The following ADH1A variants were observed in gnomAD, a reference collection of about 807,000 sequenced individuals.
ADH1A encodes alcohol dehydrogenase 1A.
A neutral mutation model predicts 35.2 loss-of-function variants in ADH1A; 29 were observed. The observed-to-expected ratio is 0.82, with a 90% CI of 0.61 to 1.12. The LOEUF (loss-of-function observed/expected upper bound fraction) is 1.12. Among genes scored for constraint, ADH1A ranks in the 50% most tolerant of loss-of-function variants. The pLI is 0.00. For missense variants in ADH1A, 469 were observed against 464.7 expected (o/e 1.01, Z -0.09); for synonymous variants, 147 against 164.8 (o/e 0.89, Z 0.83).
chr4:99,281,904 C>G (rs2110605560), intron 6 of ADH1A: 1 of 195,758 alleles, frequency 5.1e-6, no homozygotes, highest in Non-Finnish European at 1.1e-5. Flanking sequence ...AAATTGCTTA[C>G]TTCTTTTGGC....
chr4:99,277,749 C>A (rs1732904376), intron 8 of ADH1A, among the ~76,000 whole-genome samples: 1 of 151,984 alleles, frequency 6.6e-6, no homozygotes, highest in Non-Finnish European at 1.5e-5. Flanking sequence ...TTGATGGCTT[C>A]ATTCATTTCT....
At chr4:99,284,319 G>A (rs749275628) in intron 5 of ADH1A, 80 bp downstream of exon 5, 13 of 1,423,536 alleles carry the variant, frequency 9.1e-6, no homozygotes, top group Admixed American at 5.6e-5. Context: ...AATAATCTTC[G>A]ATTCTTGTGA....
intron 5 of ADH1A, among the ~76,000 whole-genome samples, chr4:99,283,641 T>C (rs1223314244): frequency 6.6e-6 from 1 of 152,208 alleles, no homozygotes; most frequent in Non-Finnish European, 1.5e-5. Context: ...AAAGATATTT[T>C]AGTCTCAGCT....
chr4:99,282,590 G>A lies in ADH1A; in HGVS notation c.584C>T (p.Thr195Ile), dbSNP rs1241562908. ...VNVAKVTPGSTCAVFGLGGVG... is the reference protein window; with the variant it reads ...VNVAKVTPGSICAVFGLGGVG... ...CCCTCCCAGGCCAAACACAGCACAG[G>A]TAGAGCCTGGGGTGACCTGTGTTTT... The change falls in exon 6 of 9, where the codon ACC becomes ATC. Residue 195 changes from threonine (T) to isoleucine (I), a missense_variant. Coordinates refer to ENST00000209668, the MANE Select transcript of ADH1A (RefSeq NM_000667.4). 1.2e-6 allele frequency: 2 copies of A among 1,614,176 alleles called. No individual in the cohort carries two copies. The highest frequency in any genetic ancestry group is 1.1e-5 in the South Asian group (1 of 91,068).
At position 99,287,643 on chromosome 4, in the gene ADH1A, A is replaced by C; in HGVS notation, c.41T>G (p.Val14Gly). The C allele has an allele frequency of 6.2e-7, 1 of 1,614,024 alleles. No individual in the cohort carries two copies. The highest frequency in any genetic ancestry group is 8.5e-7 in the Non-Finnish European group (1 of 1,179,940). Residue 14 changes from valine to glycine, a missense_variant, in exon 2 of 9, where the codon GTG becomes GGG. Transcript: ENST00000209668. ...AGKVIKCKAA[V>G]LWELKKPFSI... Reference sequence around the variant, plus strand: ...AAAGGGTTTCTTTAACTCCCATAGCACAGCTGCTTTGCATTTGATTACCTA... The same window carrying C: ...AAAGGGTTTCTTTAACTCCCATAGCCCAGCTGCTTTGCATTTGATTACCTA...
Position 99,276,643 on chromosome 4 carries a change from CGG to C in ADH1A, c.1107_1108del (p.Ile369MetfsTer45), listed in dbSNP as rs2110600527. ...ATTGTCTCAAAACATCAGAATGGTA[CGG>C]ATACTGCAATAGGAAAGAAGAGACA... On this transcript the variant is annotated frameshift_variant, in exon 9 of 9. Transcript: ENST00000209668. LOFTEE classifies it high-confidence loss of function. 2 of 1,612,086 alleles carry C rather than the reference CGG, an allele frequency of 1.2e-6. No individual in the cohort carries two copies. Among genetic ancestry groups the C allele is most frequent in the East Asian group, 4.5e-5 (2 of 44,856 alleles).
chr4:99,286,958 C>G lies in ADH1A; in HGVS notation c.151G>C (p.Asp51His). Residue 51 changes from aspartate to histidine, a missense_variant, in exon 3 of 9, where the codon GAC becomes CAC. Physicochemically the swap from Asp to His is moderately conservative, Grantham distance 81. Coordinates refer to ENST00000209668, the MANE Select transcript of ADH1A (RefSeq NM_000667.4). ...MVAVGICGTD[D>H]HVVSGTMVTP... ...ACCATGGTACCACTAACCACGTGGT[C>G]ATCTGTGCCACAGATTCCTACAGCC... 6.2e-7 allele frequency: 1 copy of G among 1,614,166 alleles called. No homozygotes were observed. Among genetic ancestry groups the G allele is most frequent in the Non-Finnish European group, 8.5e-7 (1 of 1,180,000 alleles).
intron 3 of ADH1A, 74 bp downstream of exon 3, chr4:99,286,776 C>A: frequency 3.2e-6 from 5 of 1,584,152 alleles, no homozygotes; most frequent in South Asian, 1.2e-5. Context: ...TCCCTCTTTG[C>A]CTCTGTTTCC....
chr4:99,278,885 A>C (rs1732928804), intron 8 of ADH1A, among the ~76,000 whole-genome samples: 1 of 152,158 alleles, frequency 6.6e-6, no homozygotes, highest in African/African-American at 2.4e-5. Flanking sequence ...TCTCTTTTAT[A>C]ATAACTTTTA....
intron 8 of ADH1A, 116 bp from the exon 9 acceptor site, chr4:99,276,764 C>T (rs920306764): frequency 2.1e-5 from 20 of 960,814 alleles, no homozygotes; most frequent in Middle Eastern, 2.1e-4. Context: ...CACTCTAATC[C>T]CACCCCCATG....
chr4:99,286,326 C>G (rs903754569), intron 3 of ADH1A, among the ~76,000 whole-genome samples: 6 of 152,110 alleles, frequency 3.9e-5, no homozygotes, highest in Non-Finnish European at 8.8e-5. Context: ...ATTCCTTGCT[C>G]AGGAAGAGAG....
intron 1 of ADH1A, 79 bp downstream of exon 1, chr4:99,290,818 T>A: frequency 7.1e-7 from 1 of 1,409,206 alleles, no homozygotes; most frequent in Non-Finnish European, 1.0e-6. Flanking sequence ...GAATTTTAAA[T>A]GATTCATCAA....
chr4:99,283,286 T>C (rs1210311962), intron 5 of ADH1A, among the ~76,000 whole-genome samples: 1 of 152,210 alleles, frequency 6.6e-6, no homozygotes, highest in Non-Finnish European at 1.5e-5. Context: ...CCTGTTAAAA[T>C]AGACGAGGCA....
At chr4:99,279,997 T>A in intron 7 of ADH1A, 147 bp downstream of exon 7, 1 of 1,185,328 alleles carries the variant, frequency 8.4e-7, no homozygotes, top group East Asian at 2.3e-5. Flanking sequence ...CTGCATTAGT[T>A]CCATATCTAG....
rs1262008697 is a variant in ADH1A at position 99,287,975 on chromosome 4, C to CT, written c.19-311dup. Among the ~76,000 whole-genome samples the CT allele has an allele frequency of 2.0e-5, 3 of 152,302 alleles. No individual in the cohort carries two copies. The East Asian group carries it at 5.8e-4, about 29-fold the overall frequency. ...AATCCTGACATTTCCTAATGCTATGCTGAAAATGTCTCTTCACCCACAATT... is the reference window on the plus strand; with the variant it reads ...AATCCTGACATTTCCTAATGCTATGCTTGAAAATGTCTCTTCACCCACAATT... On this transcript the variant is annotated intron_variant, in intron 1 of 8. Coordinates refer to ENST00000209668, the MANE Select transcript of ADH1A (RefSeq NM_000667.4).
Position 99,290,936 on chromosome 4 carries a change from G to C in ADH1A, c.-22C>G. 1 of 1,613,812 alleles carries C rather than the reference G, an allele frequency of 6.2e-7. No individual in the cohort carries two copies. Among genetic ancestry groups the C allele is most frequent in the South Asian group, 1.1e-5 (1 of 91,074 alleles). The stretch of plus-strand genomic sequence containing the variant: ...TCATGTTGATTCTGTCTTCTCTGCA[G>C]ACCAGGAGACTGGTGAGTCCTTGTG... On this transcript the variant is annotated 5_prime_UTR_variant, in exon 1 of 9. Transcript: ENST00000209668.
In ADH1A at chr4:99,287,656, A is replaced by C; in HGVS notation, c.28T>G (p.Cys10Gly). The C allele has an allele frequency of 6.2e-7, 1 of 1,613,942 alleles. No homozygotes were observed. Among genetic ancestry groups the C allele is most frequent in the South Asian group, 1.1e-5 (1 of 91,072 alleles). Reference sequence around the variant, plus strand: ...AACTCCCATAGCACAGCTGCTTTGCATTTGATTACCTAGAAAAGCAAACAG... The same window carrying C: ...AACTCCCATAGCACAGCTGCTTTGCCTTTGATTACCTAGAAAAGCAAACAG... MSTAGKVIK[C>G]KAAVLWELKK... is the part of the protein sequence containing the mutation. The change falls in exon 2 of 9, where the codon TGC becomes GGC. Residue 10 changes from cysteine (C) to glycine (G), a missense_variant. Cys to Gly is a radical substitution (Grantham distance 159). Coordinates refer to ENST00000209668, the MANE Select transcript of ADH1A (RefSeq NM_000667.4).
chr4:99,282,011 T>A, intron 6 of ADH1A: 1 of 296,234 alleles, frequency 3.4e-6, no homozygotes, highest in Non-Finnish European at 6.2e-6. Flanking sequence ...AAATAAAACA[T>A]TCCAATTTGA....
At chr4:99,277,608 C>T (rs1291146990) in intron 8 of ADH1A, among the ~76,000 whole-genome samples, 1 of 152,080 alleles carries the variant, frequency 6.6e-6, no homozygotes, top group African/African-American at 2.4e-5. Context: ...TTTCTATCAA[C>T]TTCTTACTAG....
Sources: allele counts gnomAD v4.1 joint callset (sites outside exome capture counted in the v4.1 genomes callset), GRCh38; gene constraint gnomAD v4.1.1; transcripts MANE v1.5; gene names NCBI Gene and HGNC (gene_info 2026-07-23, HGNC 2026-07-21).